The following SIPA1L1 variants were observed in gnomAD, a reference collection of about 807,000 sequenced individuals.
The protein encoded by SIPA1L1 is signal induced proliferation associated 1 like 1.
A neutral mutation model predicts 162.7 loss-of-function variants in SIPA1L1; 26 were observed. That is an observed-to-expected ratio of 0.16 (90% CI 0.12 to 0.22). SIPA1L1 has a LOEUF of 0.22. SIPA1L1 is among the 10% of genes least tolerant of loss of function. The pLI is 1.00. For missense variants in SIPA1L1, 1,874 were observed against 2,241.0 expected, an observed-to-expected ratio of 0.84 and a Z score of 3.31; for synonymous variants, 829 against 837.4, an observed-to-expected ratio of 0.99 and a Z score of 0.17.
chr14:71,352,408 C>A (rs1566921123), intron 2 of SIPA1L1, among the ~76,000 whole-genome samples: 1 of 152,154 alleles, frequency 6.6e-6, no homozygotes. Context: ...TGGTTACCCC[C>A]CCTCCTAGTT....
At chr14:71,533,191 G>C (rs1345752714) in intron 4 of SIPA1L1, among the ~76,000 whole-genome samples, 2 of 152,224 alleles carry the variant, frequency 1.3e-5, no homozygotes, top group Middle Eastern at 3.4e-3. Flanking sequence ...AGTTGACAGT[G>C]TTTCCATTTA....
Position 71,589,033 on chromosome 14 carries a change from C to T in SIPA1L1, c.1161C>T (p.Gly387=). The T allele has an allele frequency of 6.2e-7, 1 of 1,614,094 alleles. No individual in the cohort carries two copies. Among genetic ancestry groups the T allele is most frequent in the Non-Finnish European group, 8.5e-7 (1 of 1,179,968 alleles). ...SHSASFSSPM[G]STEDLNSKGS... is the part of the protein sequence containing the mutation. ...CAGCCAGTTTTAGCTCCCCAATGGG[C>T]AGCACAGAGGACCTGAATTCCAAAG... The change falls in exon 5 of 24, where the codon GGC becomes GGT. Residue 387 remains glycine (G), a synonymous_variant. Transcript: ENST00000381232.
chr14:71,665,552 A>G (rs1429858454), intron 10 of SIPA1L1, among the ~76,000 whole-genome samples: 1 of 152,234 alleles, frequency 6.6e-6, no homozygotes, highest in Non-Finnish European at 1.5e-5. Flanking sequence ...AAAAAAAAGA[A>G]GAAGGAGCTG....
At chr14:71,536,726 C>T (rs1360033121) in intron 4 of SIPA1L1, among the ~76,000 whole-genome samples, 1 of 152,138 alleles carries the variant, frequency 6.6e-6, no homozygotes, top group Non-Finnish European at 1.5e-5. Context: ...GCAGTCCCTT[C>T]CATTGAGAGA....
chr14:71,555,656 C>G (rs1353159741), intron 4 of SIPA1L1, among the ~76,000 whole-genome samples: 1 of 152,306 alleles, frequency 6.6e-6, no homozygotes, highest in South Asian at 2.1e-4. Flanking sequence ...AAATGTCTTC[C>G]TCACTAAGCT....
chr14:71,456,114 GAGAC>G (rs1376726579), intron 2 of SIPA1L1, among the ~76,000 whole-genome samples: 4 of 152,184 alleles, frequency 2.6e-5, no homozygotes, highest in Non-Finnish European at 5.9e-5. Flanking sequence ...ACAATCCTCT[GAGAC>G]AGAACCCTGG....
At chr14:71,496,074 A>C (rs1595763843) in intron 2 of SIPA1L1, among the ~76,000 whole-genome samples, 7 of 65,240 alleles carry the variant, frequency 1.1e-4, no homozygotes, top group South Asian at 1.2e-3. Context: ...AAAAAAAAGA[A>C]AAAAAAAAAA....
intron 2 of SIPA1L1, among the ~76,000 whole-genome samples, chr14:71,419,178 AGTAG>A (rs1226426516): frequency 1.3e-5 from 2 of 151,670 alleles, no homozygotes; most frequent in African/African-American, 4.8e-5. Flanking sequence ...ATGAGCGTTC[AGTAG>A]GTTAAATAGT....
At chr14:71,354,038 T>C (rs1259810178) in intron 2 of SIPA1L1, among the ~76,000 whole-genome samples, 1 of 152,094 alleles carries the variant, frequency 6.6e-6, no homozygotes, top group Non-Finnish European at 1.5e-5. Context: ...TATGAAATAC[T>C]CAAACAATTT....
chr14:71,348,385 G>T (rs1355246806), intron 2 of SIPA1L1, among the ~76,000 whole-genome samples: 2 of 152,056 alleles, frequency 1.3e-5, no homozygotes, highest in African/African-American at 2.4e-5. Flanking sequence ...TTTTGTACCT[G>T]GTTTATCTTG....
At chr14:71,721,734 T>A (rs1262703471) in intron 17 of SIPA1L1, among the ~76,000 whole-genome samples, 2 of 152,204 alleles carry the variant, frequency 1.3e-5, no homozygotes, top group East Asian at 3.9e-4. Flanking sequence ...GTTGGAGGAC[T>A]GGTGGTGTAG....
At chr14:71,646,856 G>A (rs1021478551) in intron 7 of SIPA1L1, among the ~76,000 whole-genome samples, 1 of 152,212 alleles carries the variant, frequency 6.6e-6, no homozygotes, top group Non-Finnish European at 1.5e-5. Context: ...TATTGTATAT[G>A]TAGATCCATA....
intron 2 of SIPA1L1, among the ~76,000 whole-genome samples, chr14:71,387,344 TA>T (rs1222598912): frequency 6.6e-6 from 1 of 150,574 alleles, no homozygotes; most frequent in Non-Finnish European, 1.5e-5. Flanking sequence ...GGTGTGCTGG[TA>T]CCCGCCTGTA....
At chr14:71,624,343 T>G (rs886797680) in intron 7 of SIPA1L1, 107 bp downstream of exon 7, 1 of 968,614 alleles carries the variant, frequency 1.0e-6, no homozygotes, top group Admixed American at 3.3e-5. Context: ...TGATACTTTT[T>G]ATTGTGAAAG....
chr14:71,521,309 CTG>C (rs2052331669), intron 3 of SIPA1L1, among the ~76,000 whole-genome samples: 1 of 152,154 alleles, frequency 6.6e-6, no homozygotes, highest in African/African-American at 2.4e-5. Context: ...AGGGACATCT[CTG>C]TATTTTTATG....
At chr14:71,606,855 G>A (rs2037580699) in intron 5 of SIPA1L1, among the ~76,000 whole-genome samples, 1 of 152,070 alleles carries the variant, frequency 6.6e-6, no homozygotes, top group South Asian at 2.1e-4. Context: ...TACTATTTTT[G>A]TAACTTTTCT....
chr14:71,329,503 C>T lies in SIPA1L1; in HGVS notation c.-465+8322C>T, dbSNP rs537304955. Among the ~76,000 whole-genome samples, 4 of 151,034 alleles carry T rather than the reference C, an allele frequency of 2.6e-5. No homozygotes were observed. In the South Asian group the frequency reaches 8.4e-4, roughly 32 times the overall value. ...CCACTCAGGTTGGGGTGCAGTGGTG[C>T]CATCTCAGCTCACTGCAACGTCCAC... is the stretch of plus-strand genomic sequence containing the variant. On this transcript the variant is annotated intron_variant, in intron 2 of 23. Coordinates refer to ENST00000381232, the MANE Select transcript of SIPA1L1 (RefSeq NM_001386936.1).
rs138368493 is a variant in SIPA1L1 at position 71,384,097 on chromosome 14, C to A, written c.-465+62916C>A. ...CTTGTTTTTTTTCTCAGCCAGACTGCGAATTACTTGAATTCTGCCTGTACA... is the reference window on the plus strand; with the variant it reads ...CTTGTTTTTTTTCTCAGCCAGACTGAGAATTACTTGAATTCTGCCTGTACA... On this transcript the variant is annotated intron_variant, in intron 2 of 23. Transcript: ENST00000381232. Among the ~76,000 whole-genome samples the A allele has an allele frequency of 4.7e-3, 718 of 152,158 alleles. 4 individuals carry two copies. Among genetic ancestry groups the A allele is most frequent in the South Asian group, 0.011 (52 of 4,822 alleles).
chr14:71,437,980 C>T (rs1023130044), intron 2 of SIPA1L1, among the ~76,000 whole-genome samples: 2 of 152,052 alleles, frequency 1.3e-5, no homozygotes, highest in African/African-American at 4.8e-5. Context: ...AAACATGGGC[C>T]GTGACTCACA....
Sources: allele counts gnomAD v4.1 joint callset (sites outside exome capture counted in the v4.1 genomes callset), GRCh38; gene constraint gnomAD v4.1.1; transcripts MANE v1.5; gene names NCBI Gene and HGNC (gene_info 2026-07-23, HGNC 2026-07-21).